Variants in KCTD8 observed in about 807,000 individuals in gnomAD.
KCTD8 encodes the protein potassium channel tetramerization domain containing 8.
A neutral mutation model predicts 31.5 loss-of-function variants in KCTD8; 27 were observed. That is an observed-to-expected ratio of 0.86 (90% CI 0.63 to 1.18). The LOEUF (loss-of-function observed/expected upper bound fraction) is 1.18, where lower values mean the gene tolerates loss of function less well. Among genes scored for constraint, KCTD8 ranks in the 50% most tolerant of loss-of-function variants. The pLI is 0.00. For synonymous variants in KCTD8, 290 were observed against 280.0 expected (o/e 1.04, Z -0.36); for missense variants, 658 against 647.7 (o/e 1.02, Z -0.17).
At chr4:44,267,938 A>T (rs1716442436) in intron 1 of KCTD8, among the ~76,000 whole-genome samples, 1 of 152,222 alleles carries the variant, frequency 6.6e-6, no homozygotes, top group Non-Finnish European at 1.5e-5. Context: ...GACCAGATGG[A>T]TTCACAGCAG....
intron 1 of KCTD8, among the ~76,000 whole-genome samples, chr4:44,295,947 C>CT (rs1717417908): frequency 6.6e-6 from 1 of 152,178 alleles, no homozygotes. Context: ...TAGATAAAAA[C>CT]TTGTAAGACC....
chr4:44,323,053 C>T (rs76550520), intron 1 of KCTD8, among the ~76,000 whole-genome samples: 4,498 of 151,986 alleles, frequency 0.03, 277 homozygotes, highest in African/African-American at 0.1. Flanking sequence ...GGCTCAGAAT[C>T]GCTTTAGGTT....
At chr4:44,192,473 GAT>G (rs1713793119) in intron 1 of KCTD8, among the ~76,000 whole-genome samples, 1 of 123,054 alleles carries the variant, frequency 8.1e-6, no homozygotes, top group Middle Eastern at 4.4e-3. Flanking sequence ...GGTAAGCAAA[GAT>G]ACACACACAC....
rs926629334 is a variant in KCTD8 at position 44,252,320 on chromosome 4, C to T, written c.962-77070G>A. On this transcript the variant is annotated intron_variant, in intron 1 of 1. Transcript: ENST00000360029. ...CAATCACAAATTGTGCTGCTATAAACGTGTGTGTAAGTATATTTTTTCATA... is the reference window on the plus strand; with the variant it reads ...CAATCACAAATTGTGCTGCTATAAATGTGTGTGTAAGTATATTTTTTCATA... 2.6e-5 allele frequency among the ~76,000 whole-genome samples: 4 copies of T among 151,744 alleles called. No individual in the cohort carries two copies. In the South Asian group the frequency reaches 8.3e-4, roughly 31 times the overall value.
intron 1 of KCTD8, chr4:44,293,657 G>T (rs1173436813): frequency 5.7e-6 from 2 of 351,410 alleles, no homozygotes; most frequent in Non-Finnish European, 1.1e-5. Flanking sequence ...AGGTTGGTTA[G>T]TATTTTAATC....
At chr4:44,394,804 A>G (rs1720456653) in intron 1 of KCTD8, among the ~76,000 whole-genome samples, 1 of 152,176 alleles carries the variant, frequency 6.6e-6, no homozygotes, top group African/African-American at 2.4e-5. Flanking sequence ...ACATTAATTG[A>G]GCATGAATTT....
intron 1 of KCTD8, among the ~76,000 whole-genome samples, chr4:44,373,774 T>C (rs1214434929): frequency 6.6e-6 from 1 of 152,100 alleles, no homozygotes; most frequent in East Asian, 1.9e-4. Flanking sequence ...TCTCCTTCTC[T>C]TACTTTCCCA....
chr4:44,221,488 T>A (rs1379182226), intron 1 of KCTD8, among the ~76,000 whole-genome samples: 1 of 151,850 alleles, frequency 6.6e-6, no homozygotes, highest in Non-Finnish European at 1.5e-5. Flanking sequence ...ACTCACAGAA[T>A]CACAAGGTGA....
chr4:44,212,969 G>A (rs996644871), intron 1 of KCTD8, among the ~76,000 whole-genome samples: 6 of 151,816 alleles, frequency 4.0e-5, no homozygotes, highest in Admixed American at 2.0e-4. Flanking sequence ...ATGGAGTCTC[G>A]TTCTGTCGCC....
chr4:44,265,892 G>C (rs997670471), intron 1 of KCTD8, among the ~76,000 whole-genome samples: 10 of 152,308 alleles, frequency 6.6e-5, no homozygotes, highest in Admixed American at 5.2e-4. Context: ...ATGGGACTAT[G>C]TGAAAAGACC....
At chr4:44,245,268 G>A (rs1488269823) in intron 1 of KCTD8, among the ~76,000 whole-genome samples, 2 of 152,012 alleles carry the variant, frequency 1.3e-5, no homozygotes, top group Non-Finnish European at 2.9e-5. Flanking sequence ...ATAGTCCTCA[G>A]CATGTTTTAA....
intron 1 of KCTD8, among the ~76,000 whole-genome samples, chr4:44,260,535 C>G (rs79079726): frequency 0.053 from 8,075 of 151,890 alleles, 727 homozygotes; most frequent in African/African-American, 0.19. Context: ...AGGGTGGTCA[C>G]AGAATGTTCT....
chr4:44,262,566 C>A (rs1333009129), intron 1 of KCTD8, among the ~76,000 whole-genome samples: 1 of 151,982 alleles, frequency 6.6e-6, no homozygotes, highest in Non-Finnish European at 1.5e-5. Flanking sequence ...AAAACTAAAC[C>A]AATGACAAGT....
At chr4:44,186,350 T>C (rs991405677) in intron 1 of KCTD8, among the ~76,000 whole-genome samples, 3 of 152,162 alleles carry the variant, frequency 2.0e-5, no homozygotes, top group Non-Finnish European at 4.4e-5. Context: ...TGGCTCCCCA[T>C]CCATCTGCAG....
rs563901096 is a variant in KCTD8, at chr4:44,198,886, C to A, written c.962-23636G>T. On this transcript the variant is annotated intron_variant, in intron 1 of 1. Transcript: ENST00000360029. ...GCAAGCTGGATAAAAAGACAAGACC[C>A]AACAGTCGCTGTCTTCAAAAAACCC... Among the ~76,000 whole-genome samples, 9 of 152,176 alleles carry A rather than the reference C, an allele frequency of 5.9e-5. No homozygotes were observed. The Middle Eastern group carries it at 0.014, about 230-fold the overall frequency.
intron 1 of KCTD8, among the ~76,000 whole-genome samples, chr4:44,250,569 G>T (rs1192588741): frequency 6.6e-6 from 1 of 151,716 alleles, no homozygotes; most frequent in African/African-American, 2.4e-5. Context: ...CACCCACGGG[G>T]TCTGATTCTG....
At chr4:44,387,493 G>A (rs537885000) in intron 1 of KCTD8, among the ~76,000 whole-genome samples, 16 of 151,770 alleles carry the variant, frequency 1.1e-4, no homozygotes, top group Middle Eastern at 3.4e-3. Flanking sequence ...AGAGTAACCA[G>A]AACAACATAG....
intron 1 of KCTD8, among the ~76,000 whole-genome samples, chr4:44,335,304 A>T (rs535571019): frequency 7.2e-5 from 11 of 152,284 alleles, no homozygotes; most frequent in South Asian, 4.1e-4. Context: ...GTTGTTATTA[A>T]TATTTTAATC....
At chr4:44,255,993 T>C (rs1208810696) in intron 1 of KCTD8, among the ~76,000 whole-genome samples, 2 of 151,944 alleles carry the variant, frequency 1.3e-5, no homozygotes, top group Non-Finnish European at 2.9e-5. Flanking sequence ...GGACTCACAG[T>C]TCCACATGGC....
Sources: allele counts gnomAD v4.1 joint callset (sites outside exome capture counted in the v4.1 genomes callset), GRCh38; gene constraint gnomAD v4.1.1; transcripts MANE v1.5; gene names NCBI Gene and HGNC (gene_info 2026-07-23, HGNC 2026-07-21).